GRIK3: variants seen among roughly 807,000 people sequenced by gnomAD.
GRIK3 encodes glutamate receptor ionotropic, kainate 3.
Under a neutral mutation model 102.5 loss-of-function variants are expected in GRIK3, and 29 were observed. The observed-to-expected ratio is 0.28, with a 90% CI of 0.21 to 0.39. The LOEUF is 0.39. GRIK3 is among the 10% of genes least tolerant of loss of function. The pLI is 1.00. For synonymous variants in GRIK3, 511 were observed against 504.9 expected, an observed-to-expected ratio of 1.01 and a Z score of -0.16; for missense variants, 908 against 1,252.4, an observed-to-expected ratio of 0.73 and a Z score of 4.15.
chr1:36,989,879 C>T (rs1642346643), intron 1 of GRIK3, among the ~76,000 whole-genome samples: 1 of 152,198 alleles, frequency 6.6e-6, no homozygotes. Context: ...TCACTTCATA[C>T]CAGGCACCAT....
chr1:36,927,792 G>C (rs1435438558), intron 1 of GRIK3, among the ~76,000 whole-genome samples: 1 of 152,188 alleles, frequency 6.6e-6, no homozygotes, highest in Non-Finnish European at 1.5e-5. Context: ...CCGAGAGGCT[G>C]TTGACTGCTT....
At chr1:36,837,104 G>A (rs1419258821) in intron 10 of GRIK3, among the ~76,000 whole-genome samples, 4 of 151,808 alleles carry the variant, frequency 2.6e-5, no homozygotes, top group African/African-American at 9.7e-5. Context: ...TTTCATCTGT[G>A]CCATTCAGGG....
chr1:36,870,999 T>C (rs1018421250), intron 4 of GRIK3, among the ~76,000 whole-genome samples: 12 of 152,152 alleles, frequency 7.9e-5, no homozygotes, highest in Non-Finnish European at 4.4e-5. Flanking sequence ...TTCTGGGGCA[T>C]GCGTGTTTCC....
At chr1:36,929,197 TAAACCC>T (rs1219079580) in intron 1 of GRIK3, among the ~76,000 whole-genome samples, 1 of 152,108 alleles carries the variant, frequency 6.6e-6, no homozygotes, top group Non-Finnish European at 1.5e-5. Context: ...ACCACTCTGC[TAAACCC>T]CATTCAGCTT....
At chr1:36,984,681 T>C (rs955971323) in intron 1 of GRIK3, among the ~76,000 whole-genome samples, 2 of 152,188 alleles carry the variant, frequency 1.3e-5, no homozygotes, top group African/African-American at 2.4e-5. Context: ...AAGAAGGTGG[T>C]AAATTCCTGT....
At chr1:36,828,073 G>GAAAAA (rs34670494) in intron 10 of GRIK3, among the ~76,000 whole-genome samples, 16 of 125,782 alleles carry the variant, frequency 1.3e-4, no homozygotes, top group African/African-American at 4.3e-4. Context: ...AAAGAAAGCA[G>GAAAAA]AAAAAAAAAA....
chr1:36,976,728 T>C (rs1001172169), intron 1 of GRIK3, among the ~76,000 whole-genome samples: 2 of 152,020 alleles, frequency 1.3e-5, no homozygotes, highest in Non-Finnish European at 2.9e-5. Context: ...GGGCTCTGAG[T>C]CATCATCTGA....
chr1:36,935,405 C>T (rs1641645902), intron 1 of GRIK3, among the ~76,000 whole-genome samples: 1 of 152,170 alleles, frequency 6.6e-6, no homozygotes, highest in African/African-American at 2.4e-5. Flanking sequence ...CAAATACATG[C>T]ATTAGCATCC....
chr1:36,867,332 A>C (rs1640796482), intron 5 of GRIK3, among the ~76,000 whole-genome samples: 1 of 152,114 alleles, frequency 6.6e-6, no homozygotes, highest in Non-Finnish European at 1.5e-5. Context: ...ATGGGGCACC[A>C]TAGTTATCTG....
Position 36,818,120 on chromosome 1 carries a change from G to GT in GRIK3, c.1874-844dup, listed in dbSNP as rs546283631. 5.4e-3 allele frequency among the ~76,000 whole-genome samples: 818 copies of GT among 151,326 alleles called. 5 individuals carry two copies. Among genetic ancestry groups the GT allele is most frequent in the Middle Eastern group, 0.024 (7 of 292 alleles). ...TGAAAACCGTCTGCTTTGATATGAT[G>GT]TTTTTTTTTCTCAAAGAAGTCACTC... On this transcript the variant is annotated intron_variant, in intron 12 of 15. Transcript: ENST00000373091.
intron 2 of GRIK3, among the ~76,000 whole-genome samples, chr1:36,883,557 A>G (rs1641006774): frequency 6.6e-6 from 1 of 152,232 alleles, no homozygotes; most frequent in African/African-American, 2.4e-5. Flanking sequence ...CGCATGTCCT[A>G]GAAGTGGGCT....
intron 1 of GRIK3, among the ~76,000 whole-genome samples, chr1:36,963,835 G>A (rs1022793789): frequency 6.6e-6 from 1 of 152,228 alleles, no homozygotes; most frequent in Admixed American, 6.5e-5. Flanking sequence ...TTGAATGGCT[G>A]TATGGACAAG....
Position 36,959,727 on chromosome 1 carries a change from T to A in GRIK3, c.116-68631A>T, listed in dbSNP as rs1641978076. Among the ~76,000 whole-genome samples, 2 of 117,666 alleles carry A rather than the reference T, an allele frequency of 1.7e-5. 1 individual carries two copies. 77.2% of individuals were successfully genotyped at this position (117,666 alleles called of 152,430 possible). On this transcript the variant is annotated intron_variant, in intron 1 of 15. Transcript: ENST00000373091. ...AGCCTGTGTGCTTTGTGAGTCGGTG[T>A]GTCCCATGAGTCTGTGCGCCCCATT... is the stretch of plus-strand genomic sequence containing the variant.
At chr1:36,913,719 A>T (rs1295047755) in intron 1 of GRIK3, among the ~76,000 whole-genome samples, 1 of 152,096 alleles carries the variant, frequency 6.6e-6, no homozygotes, top group East Asian at 1.9e-4. Context: ...CAATCACAGC[A>T]GGGCCTTTGG....
At position 36,820,869 on chromosome 1, in the gene GRIK3, G is replaced by A. The variant is rs74852546; in HGVS notation, c.1755-1015C>T. ...CTGCCTTCTAAGGAAGAGGAGTCCTGATTATTGAATTGAAGGGAGTTTTTG... is the reference window on the plus strand; with the variant it reads ...CTGCCTTCTAAGGAAGAGGAGTCCTAATTATTGAATTGAAGGGAGTTTTTG... On this transcript the variant is annotated intron_variant, in intron 11 of 15. Transcript: ENST00000373091. Among the ~76,000 whole-genome samples, 69 of 152,304 alleles carry A rather than the reference G, an allele frequency of 4.5e-4. No individual in the cohort carries two copies. In the East Asian group the frequency reaches 0.01, roughly 23 times the overall value.
chr1:36,901,125 C>G (rs1641228801), intron 1 of GRIK3, among the ~76,000 whole-genome samples: 1 of 152,154 alleles, frequency 6.6e-6, no homozygotes, highest in Non-Finnish European at 1.5e-5. Flanking sequence ...AGAAATAATA[C>G]AAATTCTCTA....
chr1:36,841,218 C>T (rs1299788595), intron 10 of GRIK3, among the ~76,000 whole-genome samples: 1 of 152,128 alleles, frequency 6.6e-6, no homozygotes, highest in Non-Finnish European at 1.5e-5. Flanking sequence ...GAGGAAGAGG[C>T]TGACTCCCTG....
intron 1 of GRIK3, among the ~76,000 whole-genome samples, chr1:36,902,797 CT>C (rs146935443): frequency 9.3e-5 from 14 of 149,936 alleles, no homozygotes; most frequent in Non-Finnish European, 1.3e-4. Flanking sequence ...TGATGGACTA[CT>C]TTTTTTTTTG....
chr1:36,839,208 A>G (rs900227105), intron 10 of GRIK3, among the ~76,000 whole-genome samples: 1 of 152,288 alleles, frequency 6.6e-6, no homozygotes, highest in Non-Finnish European at 1.5e-5. Flanking sequence ...TGCAAATGAC[A>G]GCCTCAGAGC....
Sources: allele counts gnomAD v4.1 joint callset (sites outside exome capture counted in the v4.1 genomes callset), GRCh38; gene constraint gnomAD v4.1.1; transcripts MANE v1.5; gene names NCBI Gene and HGNC (gene_info 2026-07-23, HGNC 2026-07-21).